TRIO: variants seen among roughly 807,000 people sequenced by gnomAD.
TRIO encodes the protein trio Rho guanine nucleotide exchange factor, also known as triple functional domain protein.
TRIO carries 58 observed loss-of-function variants against 351.9 expected under a neutral mutation model. That is an observed-to-expected ratio of 0.16 (90% CI 0.13 to 0.21). TRIO has a LOEUF of 0.21. Ranked by LOEUF, TRIO falls within the 10% of genes least tolerant of loss-of-function variation. The probability of loss-of-function intolerance (pLI) is 1.00; values close to 1 mark genes in which losing one functional copy is unlikely to be tolerated. For missense variants in TRIO, 3,201 were observed against 4,027.8 expected, an observed-to-expected ratio of 0.79 and a Z score of 5.56; for synonymous variants, 1,758 against 1,595.7, an observed-to-expected ratio of 1.10 and a Z score of -2.42.
chr5:14,436,852 G>T (rs1751628174), intron 34 of TRIO, among the ~76,000 whole-genome samples: 1 of 152,180 alleles, frequency 6.6e-6, no homozygotes, highest in African/African-American at 2.4e-5. Flanking sequence ...GCTTGGCAGG[G>T]CAAAGCCTCC....
chr5:14,479,088 C>G (rs549532419), intron 41 of TRIO, among the ~76,000 whole-genome samples, 173 bp from the exon 42 acceptor site: 1 of 152,254 alleles, frequency 6.6e-6, no homozygotes, highest in Admixed American at 6.5e-5. Flanking sequence ...GGAGCCACAC[C>G]GTAGAATGCT....
intron 2 of TRIO, among the ~76,000 whole-genome samples, chr5:14,273,090 C>T (rs1197436860): frequency 6.6e-6 from 1 of 152,170 alleles, no homozygotes; most frequent in Non-Finnish European, 1.5e-5. Context: ...CATATCCACC[C>T]CCAAGCCCCC....
At chr5:14,272,427 C>T (rs1796029237) in intron 2 of TRIO, among the ~76,000 whole-genome samples, 3 of 152,186 alleles carry the variant, frequency 2.0e-5, no homozygotes, top group Admixed American at 2.0e-4. Context: ...TATTTGTATT[C>T]ATGCTTTTAT....
At chr5:14,210,442 T>A (rs1360479837) in intron 1 of TRIO, among the ~76,000 whole-genome samples, 1 of 152,200 alleles carries the variant, frequency 6.6e-6, no homozygotes, top group Non-Finnish European at 1.5e-5. Context: ...GGCCTGCGTT[T>A]AGCTTCTTGC....
chr5:14,345,753 T>G (rs1054538540), intron 11 of TRIO, among the ~76,000 whole-genome samples: 6 of 152,232 alleles, frequency 3.9e-5, no homozygotes, highest in African/African-American at 1.4e-4. Context: ...TTGGCCAGGC[T>G]GGCCTCAGAC....
intron 3 of TRIO, among the ~76,000 whole-genome samples, chr5:14,281,772 G>C (rs933884414): frequency 1.3e-5 from 2 of 152,108 alleles, no homozygotes; most frequent in Non-Finnish European, 2.9e-5. Flanking sequence ...TTTCCTAAGA[G>C]ACTAAATGAG....
At chr5:14,157,761 C>CT (rs960241460) in intron 1 of TRIO, among the ~76,000 whole-genome samples, 12 of 151,794 alleles carry the variant, frequency 7.9e-5, no homozygotes, top group African/African-American at 1.9e-4. Flanking sequence ...ATTTTTGTAT[C>CT]TTTTTTTGTA....
rs1302166212 is a variant in TRIO at position 14,444,815 on chromosome 5, G to C, written c.5204-16204G>C. ...TTATTTGGTATTATAGCCTTTTTTA[G>C]AGTGAATATAAAATCTTGAAATATT... is the stretch of plus-strand genomic sequence containing the variant. On this transcript the variant is annotated intron_variant, in intron 34 of 56. Transcript: ENST00000344204. 5.9e-5 allele frequency among the ~76,000 whole-genome samples: 9 copies of C among 152,144 alleles called. 1 individual carries two copies. The highest frequency in any genetic ancestry group is 5.2e-4 in the Admixed American group (8 of 15,272).
chr5:14,230,935 G>T (rs540425568), intron 1 of TRIO, among the ~76,000 whole-genome samples: 3 of 152,196 alleles, frequency 2.0e-5, no homozygotes, highest in South Asian at 4.2e-4. Context: ...CTGCGAATGG[G>T]GCTACTGTTA....
intron 8 of TRIO, among the ~76,000 whole-genome samples, chr5:14,306,090 A>G (rs765408467): frequency 1.2e-4 from 18 of 151,140 alleles, no homozygotes; most frequent in Non-Finnish European, 1.6e-4. Flanking sequence ...ATTTCTCAAA[A>G]TGTGTCCCTG....
At chr5:14,191,061 G>A (rs535577485) in intron 1 of TRIO, among the ~76,000 whole-genome samples, 10 of 152,056 alleles carry the variant, frequency 6.6e-5, no homozygotes, top group African/African-American at 2.2e-4. Context: ...GCTGTGACCC[G>A]CAGACCTCAG....
At chr5:14,492,896 G>C (rs1307707049) in intron 49 of TRIO, 82 bp downstream of exon 49, 3 of 1,558,938 alleles carry the variant, frequency 1.9e-6, no homozygotes, top group Admixed American at 3.6e-5. Context: ...ACCTCAGACG[G>C]GGTAAGCATG....
intron 41 of TRIO, 53 bp from the exon 42 acceptor site, chr5:14,479,208 C>G (rs549590526): frequency 6.8e-7 from 1 of 1,469,166 alleles, no homozygotes; most frequent in Admixed American, 1.7e-5. Context: ...CTCGTGTATT[C>G]TAATCGAATT....
At chr5:14,210,892 T>A (rs1046285531) in intron 1 of TRIO, among the ~76,000 whole-genome samples, 4 of 152,048 alleles carry the variant, frequency 2.6e-5, no homozygotes, top group Non-Finnish European at 5.9e-5. Flanking sequence ...TACCCTCCAC[T>A]CCCTTCCTCC....
chr5:14,331,013 C>G (rs1740858414), intron 10 of TRIO, 113 bp downstream of exon 10: 2 of 1,469,000 alleles, frequency 1.4e-6, no homozygotes, highest in South Asian at 2.7e-5. Flanking sequence ...TGTTTGACAC[C>G]TCAGATGAGG....
At chr5:14,357,051 T>C (rs1743675337) in intron 11 of TRIO, among the ~76,000 whole-genome samples, 1 of 152,220 alleles carries the variant, frequency 6.6e-6, no homozygotes, top group African/African-American at 2.4e-5. Context: ...AGAACTCACA[T>C]TGGACACTTT....
intron 1 of TRIO, among the ~76,000 whole-genome samples, chr5:14,197,772 C>T (rs1015074624): frequency 6.6e-6 from 1 of 152,200 alleles, no homozygotes; most frequent in Non-Finnish European, 1.5e-5. Flanking sequence ...CCCTGATTCT[C>T]ACAGAGCGAC....
At chr5:14,342,668 C>T (rs1327162001) in intron 11 of TRIO, among the ~76,000 whole-genome samples, 1 of 152,234 alleles carries the variant, frequency 6.6e-6, no homozygotes, top group Non-Finnish European at 1.5e-5. Flanking sequence ...TGGTTCCCAG[C>T]TTCCAAGCCT....
intron 9 of TRIO, among the ~76,000 whole-genome samples, chr5:14,320,190 A>G (rs1739753598): frequency 6.6e-6 from 1 of 152,230 alleles, no homozygotes; most frequent in Admixed American, 6.5e-5. Context: ...GGTTGAATGA[A>G]TGAATAAATG....
Sources: allele counts gnomAD v4.1 joint callset (sites outside exome capture counted in the v4.1 genomes callset), GRCh38; gene constraint gnomAD v4.1.1; transcripts MANE v1.5; gene names NCBI Gene and HGNC (gene_info 2026-07-23, HGNC 2026-07-21).